The following RIMKLA variants were observed in gnomAD, a reference collection of about 807,000 sequenced individuals.
The protein encoded by RIMKLA is N-acetylaspartylglutamate synthase A.
RIMKLA carries 14 observed loss-of-function variants against 32.7 expected under a neutral mutation model. The observed-to-expected ratio is 0.43, with a 90% CI of 0.28 to 0.67. The LOEUF (loss-of-function observed/expected upper bound fraction) is 0.67, where lower values mean the gene tolerates loss of function less well. Ranked by LOEUF, RIMKLA falls within the 30% of genes least tolerant of loss-of-function variation. The pLI, the probability that RIMKLA is intolerant of heterozygous loss-of-function variation, is 0.18. For missense variants in RIMKLA, 410 were observed against 519.0 expected (o/e 0.79, Z 2.04); for synonymous variants, 176 against 204.1 (o/e 0.86, Z 1.18).
In RIMKLA at chr1:42,415,851, A is replaced by G. The variant is rs1311462684; in HGVS notation, c.*877A>G. On this transcript the variant is annotated 3_prime_UTR_variant, in exon 5 of 5. Coordinates refer to ENST00000431473, the MANE Select transcript of RIMKLA (RefSeq NM_173642.4). The stretch of plus-strand genomic sequence containing the variant: ...AAGCCAGTGGGTTTTTACCATAGAA[A>G]GCTACTTGGAGATCATCATTCTTCC... 1.3e-5 allele frequency: 2 copies of G among 152,140 alleles called. No individual in the cohort carries two copies. Among genetic ancestry groups the G allele is most frequent in the Non-Finnish European group, 2.9e-5 (2 of 68,030 alleles). 9.4% of individuals were successfully genotyped at this position (152,140 alleles called of 1,614,324 possible). A position where few individuals can be genotyped will look rare whatever the true frequency, so the allele number is the denominator to read the frequency against.
At chr1:42,402,098 C>T (rs76935391) in intron 2 of RIMKLA, among the ~76,000 whole-genome samples, 5 of 152,140 alleles carry the variant, frequency 3.3e-5, no homozygotes, top group African/African-American at 9.7e-5. Context: ...ATTACGTTCA[C>T]GGCCTCATTT....
intron 3 of RIMKLA, among the ~76,000 whole-genome samples, chr1:42,407,601 C>G (rs1412942536): frequency 2.0e-5 from 3 of 152,168 alleles, no homozygotes; most frequent in Admixed American, 1.3e-4. Flanking sequence ...CCACTAAAAG[C>G]TGTTAGAACC....
intron 4 of RIMKLA, among the ~76,000 whole-genome samples, chr1:42,411,275 C>T (rs1310231303): frequency 6.6e-6 from 1 of 150,626 alleles, no homozygotes; most frequent in African/African-American, 2.5e-5. Context: ...TTTGAGGCTG[C>T]AGTGAGCTAT....
At chr1:42,386,693 T>C (rs1642950801) in intron 1 of RIMKLA, among the ~76,000 whole-genome samples, 1 of 144,530 alleles carries the variant, frequency 6.9e-6, no homozygotes, top group Non-Finnish European at 1.5e-5. Context: ...CTGGCCAACA[T>C]GGTGAAACCC....
At position 42,414,681 on chromosome 1, in the gene RIMKLA, A is replaced by G. The variant is rs1275274669; in HGVS notation, c.883A>G (p.Ile295Val). The part of the protein sequence containing the change: ...QACNLDVGGI[I>V]ADYTMSLLPN... ...ATGCAACTTAGATGTGGGTGGGATCATTGCAGACTATACCATGTCCTTGCT... is the reference window on the plus strand; with the variant it reads ...ATGCAACTTAGATGTGGGTGGGATCGTTGCAGACTATACCATGTCCTTGCT... Residue 295 changes from isoleucine (I) to valine (V), a missense_variant, in exon 5 of 5, where the codon ATT (isoleucine) becomes GTT (valine). Ile to Val is a conservative substitution (Grantham distance 29, BLOSUM62 3). Coordinates refer to ENST00000431473, the MANE Select transcript of RIMKLA (RefSeq NM_173642.4). 6 of 1,614,100 alleles carry G rather than the reference A, an allele frequency of 3.7e-6. No homozygotes were observed. The Admixed American group carries it at 6.7e-5, about 18-fold the overall frequency.
rs915499934 is a variant in RIMKLA at position 42,385,797 on chromosome 1, TTCTC to T, written c.163+4708_163+4711del. Reference sequence around the variant, plus strand: ...TTTCTTTGTTTGTTTGTTTCTTTCTTTCTCTCTCTCTTTCCTTCCTTCCTTCCTT... The same window carrying T: ...TTTCTTTGTTTGTTTGTTTCTTTCTTTCTCTCTTTCCTTCCTTCCTTCCTT... On this transcript the variant is annotated intron_variant, in intron 1 of 4. Coordinates refer to ENST00000431473, the MANE Select transcript of RIMKLA (RefSeq NM_173642.4). Among the ~76,000 whole-genome samples, 27 of 114,388 alleles carry T rather than the reference TTCTC, an allele frequency of 2.4e-4. 2 individuals are homozygous for T. Among genetic ancestry groups the T allele is most frequent in the Non-Finnish European group, 1.6e-4 (8 of 50,310 alleles). The allele number at this position is 114,388 out of a possible 152,430, so 75.0% of individuals were successfully genotyped here. A position where few individuals can be genotyped will look rare whatever the true frequency, so the allele number is the denominator to read the frequency against.
intron 2 of RIMKLA, among the ~76,000 whole-genome samples, chr1:42,401,056 G>C (rs1032391095): frequency 4.6e-5 from 7 of 152,090 alleles, no homozygotes; most frequent in Admixed American, 2.6e-4. Context: ...ATGGGGGTGG[G>C]GTGGGGGAGG....
At position 42,420,211 on chromosome 1, in the gene RIMKLA, C is replaced by A. The variant is rs1010630479; in HGVS notation, c.*5237C>A. On this transcript the variant is annotated 3_prime_UTR_variant, in exon 5 of 5. Coordinates refer to ENST00000431473, the MANE Select transcript of RIMKLA (RefSeq NM_173642.4). ...ATTTTTGCAGCCACTGCTGACTCCA[C>A]ACTTCTGCTACCTCATTTTAAATAG... 9 of 152,294 alleles carry A rather than the reference C, an allele frequency of 5.9e-5. No individual in the cohort carries two copies. The highest frequency in any genetic ancestry group is 1.2e-4 in the Non-Finnish European group (8 of 68,052). 9.4% of individuals were successfully genotyped at this position (152,294 alleles called of 1,614,324 possible). A position where few individuals can be genotyped will look rare whatever the true frequency, so the allele number is the denominator to read the frequency against.
In RIMKLA at chr1:42,380,904, G is replaced by A. The variant is rs1394412700; in HGVS notation, c.-31G>A. The A allele has an allele frequency of 3.1e-6, 4 of 1,305,786 alleles. No homozygotes were observed. The highest frequency in any genetic ancestry group is 2.3e-5 in the South Asian group (1 of 44,432). 80.9% of individuals were successfully genotyped at this position (1,305,786 alleles called of 1,614,324 possible). A position where few individuals can be genotyped will look rare whatever the true frequency, so the allele number is the denominator to read the frequency against. ...AGCGGCCCGGGGCGCCGAGGGGTCC[G>A]CGCCGCGCGGGGCGCACCGCCCTGG... On this transcript the variant is annotated 5_prime_UTR_variant, in exon 1 of 5. Transcript: ENST00000431473.
chr1:42,380,976 C>T lies in RIMKLA; in HGVS notation c.42C>T (p.Arg14=), dbSNP rs754019330. 1.8e-4 allele frequency: 256 copies of T among 1,452,290 alleles called. No homozygotes were observed. In the Middle Eastern group the frequency reaches 2.4e-3, roughly 13 times the overall value. 90.0% of individuals were successfully genotyped at this position (1,452,290 alleles called of 1,614,324 possible). A position where few individuals can be genotyped will look rare whatever the true frequency, so the allele number is the denominator to read the frequency against. The change falls in exon 1 of 5, where the codon CGC becomes CGT. Residue 14 remains arginine (R), a synonymous_variant. Transcript: ENST00000431473. ...GGTTCCTGACGGACCGGCGCATCCG[C>T]GAGGACTACCCGCAGGTGCAGATCC... is the stretch of plus-strand genomic sequence containing the variant. ...QLWFLTDRRI[R]EDYPQVQILR...
chr1:42,400,847 G>A (rs892424806), intron 2 of RIMKLA, among the ~76,000 whole-genome samples: 4 of 152,188 alleles, frequency 2.6e-5, no homozygotes, highest in Admixed American at 1.3e-4. Context: ...GGTGAAGTCC[G>A]AGGAATGGAT....
chr1:42,381,073 G>A lies in RIMKLA; in HGVS notation c.139G>A (p.Val47Ile). Residue 47 changes from valine to isoleucine, a missense_variant, in exon 1 of 5, where the codon GTC becomes ATC. Transcript: ENST00000431473. ...FRAVLMDQIA[V>I]TIVGGHLGLQ... is the part of the protein sequence containing the mutation. ...GGCGGTGCTTATGGACCAGATCGCC[G>A]TCACCATCGTCGGCGGCCACCTCGG... The A allele has an allele frequency of 1.6e-6, 2 of 1,285,178 alleles. No homozygotes were observed. Among genetic ancestry groups the A allele is most frequent in the Non-Finnish European group, 9.9e-7 (1 of 1,011,614 alleles). 79.6% of individuals were successfully genotyped at this position (1,285,178 alleles called of 1,614,324 possible).
rs1344607132 is a variant in RIMKLA at position 42,422,050 on chromosome 1, C to T, written c.*7076C>T. The T allele has an allele frequency of 2.6e-5, 4 of 152,148 alleles. No homozygotes were observed. The allele number at this position is 152,148 out of a possible 1,614,324, so 9.4% of individuals were successfully genotyped here. On this transcript the variant is annotated 3_prime_UTR_variant, in exon 5 of 5. Transcript: ENST00000431473. ...TGGCAAACACTCTATATCAAGACCCCCCTCCCCGAGAGCTGGTTGTTAAAC... is the reference window on the plus strand; with the variant it reads ...TGGCAAACACTCTATATCAAGACCCTCCTCCCCGAGAGCTGGTTGTTAAAC...
rs1184237388 is a variant in RIMKLA, at chr1:42,385,844, C to CTCTCTCTCTCTCTCTCTCTTTCTTTCTT, written c.163+4750_163+4751insCTCTCTCTCTCTCTCTTTCTTTCTTTCT. ...CCTTCCTTCCTTTCTTTCTTTCTTT[C>CTCTCTCTCTCTCTCTCTCTTTCTTTCTT]TCTTTCTTTCTTTCTTTCTTTCTTT... On this transcript the variant is annotated intron_variant, in intron 1 of 4. Transcript: ENST00000431473. Among the ~76,000 whole-genome samples the CTCTCTCTCTCTCTCTCTCTTTCTTTCTT allele has an allele frequency of 7.0e-5, 4 of 57,080 alleles. 1 individual carries two copies. The highest frequency in any genetic ancestry group is 2.6e-4 in the African/African-American group (4 of 15,142). 37.4% of individuals were successfully genotyped at this position (57,080 alleles called of 152,430 possible).
chr1:42,391,241 G>A (rs12409913), intron 1 of RIMKLA, among the ~76,000 whole-genome samples: 22,899 of 152,102 alleles, frequency 0.15, 1,822 homozygotes, highest in East Asian at 0.22. Context: ...TTCTTCATAG[G>A]GACATGGAAA....
chr1:42,403,165 A>G (rs1643115172), intron 2 of RIMKLA, among the ~76,000 whole-genome samples: 1 of 150,476 alleles, frequency 6.6e-6, no homozygotes, highest in Non-Finnish European at 1.5e-5. Flanking sequence ...TGAATGGGAA[A>G]GCCCTCCAGA....
At position 42,394,892 on chromosome 1, in the gene RIMKLA, C is replaced by T. The variant is rs771664880; in HGVS notation, c.164-4512C>T. Among the ~76,000 whole-genome samples the T allele has an allele frequency of 2.6e-5, 4 of 152,136 alleles. No individual in the cohort carries two copies. In the South Asian group the frequency reaches 8.3e-4, roughly 32 times the overall value. On this transcript the variant is annotated intron_variant, in intron 1 of 4. Transcript: ENST00000431473. Reference sequence around the variant, plus strand: ...GCTGGGATTACAGGCGTGCACACCACCACGCCCAGCTAATTTTTGTATTTT... The same window carrying T: ...GCTGGGATTACAGGCGTGCACACCATCACGCCCAGCTAATTTTTGTATTTT...
intron 1 of RIMKLA, among the ~76,000 whole-genome samples, chr1:42,385,755 CTTTCTTTCTTTCTTTG>C (rs751240715): frequency 1.3e-4 from 13 of 97,376 alleles, no homozygotes; most frequent in African/African-American, 7.8e-4. Context: ...TTCTTTCTTT[CTTTCTTTCTTTCTTTG>C]TTTCTTTGTT....
rs1302676027 is a variant in RIMKLA, at chr1:42,424,063, A to T, written c.*9089A>T. Among the ~76,000 whole-genome samples the T allele has an allele frequency of 6.6e-6, 1 of 152,046 alleles. No homozygotes were observed. Among genetic ancestry groups the T allele is most frequent in the Non-Finnish European group, 1.5e-5 (1 of 68,016 alleles). On this transcript the variant is annotated 3_prime_UTR_variant, in exon 5 of 5. Coordinates refer to ENST00000431473, the MANE Select transcript of RIMKLA (RefSeq NM_173642.4). ...AGCTGAGCACACTGCCTGCCCAGGG[A>T]TTTTCTTCTGCTCTAAAGGACATTA...
Sources: allele counts gnomAD v4.1 joint callset (sites outside exome capture counted in the v4.1 genomes callset), GRCh38; gene constraint gnomAD v4.1.1; transcripts MANE v1.5; gene names NCBI Gene and HGNC (gene_info 2026-07-23, HGNC 2026-07-21).